Variants in KCND2 observed in about 807,000 individuals in gnomAD.
KCND2 encodes potassium voltage-gated channel subfamily D member 2.
A neutral mutation model predicts 54.4 loss-of-function variants in KCND2; 16 were observed. That is an observed-to-expected ratio of 0.29 (90% CI 0.20 to 0.45). KCND2 has a LOEUF of 0.45. Among genes scored for constraint, KCND2 ranks in the 20% least tolerant of loss-of-function variants. The probability of loss-of-function intolerance (pLI) is 1.00; values close to 1 mark genes in which losing one functional copy is unlikely to be tolerated. For synonymous variants in KCND2, 317 were observed against 310.7 expected (o/e 1.02, Z -0.21); for missense variants, 486 against 824.2 (o/e 0.59, Z 5.02).
intron 1 of KCND2, among the ~76,000 whole-genome samples, chr7:120,451,442 T>C (rs1296309727): frequency 1.3e-5 from 2 of 152,190 alleles, no homozygotes; most frequent in Non-Finnish European, 2.9e-5. Flanking sequence ...ATGTTTCTTA[T>C]AAACAATTAA....
rs1461568476 is a variant in KCND2 at position 120,295,375 on chromosome 7, CACACACACACACACACAG to C, written c.1115+19646_1115+19663del. Among the ~76,000 whole-genome samples, 123 of 141,904 alleles carry C rather than the reference CACACACACACACACACAG, an allele frequency of 8.7e-4. 1 individual carries two copies. In the South Asian group the frequency reaches 0.017, roughly 20 times the overall value. 93.1% of individuals were successfully genotyped at this position (141,904 alleles called of 152,430 possible). A position where few individuals can be genotyped will look rare whatever the true frequency, so the allele number is the denominator to read the frequency against. The stretch of plus-strand genomic sequence containing the variant: ...ACACACACACACACACACACACACA[CACACACACACACACACAG>C]ACACACACACACACACAAACACACC... On this transcript the variant is annotated intron_variant, in intron 1 of 5. Transcript: ENST00000331113.
chr7:120,472,428 G>C (rs1425283260), intron 1 of KCND2, among the ~76,000 whole-genome samples: 2 of 152,008 alleles, frequency 1.3e-5, no homozygotes, highest in Admixed American at 1.3e-4. Context: ...AAACTGCATG[G>C]GCTTCCGAAT....
chr7:120,307,174 A>G (rs1412787053), intron 1 of KCND2, among the ~76,000 whole-genome samples: 2 of 152,038 alleles, frequency 1.3e-5, no homozygotes, highest in African/African-American at 4.8e-5. Context: ...TTTTCTATCT[A>G]ATAGACACAA....
At chr7:120,590,681 G>T (rs1021705209) in intron 1 of KCND2, among the ~76,000 whole-genome samples, 1 of 152,152 alleles carries the variant, frequency 6.6e-6, no homozygotes, top group African/African-American at 2.4e-5. Context: ...CACATCTTTT[G>T]TGAGGCATTC....
chr7:120,430,682 T>C (rs1470262180), intron 1 of KCND2, among the ~76,000 whole-genome samples: 1 of 152,236 alleles, frequency 6.6e-6, no homozygotes, highest in Non-Finnish European at 1.5e-5. Context: ...GAAATTCAAC[T>C]TCCTTTCCCA....
At chr7:120,488,179 A>C (rs1802721898) in intron 1 of KCND2, among the ~76,000 whole-genome samples, 1 of 152,178 alleles carries the variant, frequency 6.6e-6, no homozygotes, top group African/African-American at 2.4e-5. Context: ...TGGGCAACAG[A>C]GTGAGACCCT....
intron 2 of KCND2, chr7:120,741,026 A>C (rs1792934347): frequency 3.5e-6 from 1 of 288,734 alleles, no homozygotes; most frequent in Non-Finnish European, 6.8e-6. Flanking sequence ...GAGGATGCAG[A>C]TATAGATGAA....
At chr7:120,641,615 C>G (rs1793376687) in intron 1 of KCND2, among the ~76,000 whole-genome samples, 1 of 152,148 alleles carries the variant, frequency 6.6e-6, no homozygotes, top group Non-Finnish European at 1.5e-5. Context: ...TTCAAAGTGT[C>G]ACTGCTTAAT....
At chr7:120,747,219 C>A (rs1327965770) in intron 5 of KCND2, among the ~76,000 whole-genome samples, 1 of 151,810 alleles carries the variant, frequency 6.6e-6, no homozygotes. Context: ...AATATGTGAT[C>A]ATCATTAAGT....
intron 1 of KCND2, among the ~76,000 whole-genome samples, chr7:120,522,378 G>T (rs1791709811): frequency 6.6e-6 from 1 of 152,148 alleles, no homozygotes; most frequent in South Asian, 2.1e-4. Context: ...GCGTGACCCT[G>T]AGTGAATGAT....
intron 1 of KCND2, among the ~76,000 whole-genome samples, chr7:120,649,458 A>C (rs868206734): frequency 6.6e-6 from 1 of 152,186 alleles, no homozygotes; most frequent in Non-Finnish European, 1.5e-5. Context: ...ATTTTCTCCC[A>C]TTCTGTAGGT....
intron 1 of KCND2, among the ~76,000 whole-genome samples, chr7:120,366,697 G>C (rs905639165): frequency 6.6e-6 from 1 of 152,080 alleles, no homozygotes; most frequent in Non-Finnish European, 1.5e-5. Context: ...GAAAACAACT[G>C]TCCTAAAAAG....
In KCND2 at chr7:120,748,337, A is replaced by G. The variant is rs1793031876; in HGVS notation, c.*479A>G. On this transcript the variant is annotated 3_prime_UTR_variant, in exon 6 of 6. Transcript: ENST00000331113. ...TGACTGAAGGAAACCATCATAATGC[A>G]TGCTAGAATTCTTTGAAGCAGTGAT... is the stretch of plus-strand genomic sequence containing the variant. 1.3e-5 allele frequency: 2 copies of G among 155,800 alleles called. No individual in the cohort carries two copies. Among genetic ancestry groups the G allele is most frequent in the Admixed American group, 6.4e-5 (1 of 15,654 alleles). 9.7% of individuals were successfully genotyped at this position (155,800 alleles called of 1,614,324 possible).
intron 1 of KCND2, among the ~76,000 whole-genome samples, chr7:120,449,464 A>T (rs1403865741): frequency 6.6e-6 from 1 of 152,204 alleles, no homozygotes; most frequent in East Asian, 1.9e-4. Flanking sequence ...GAGATTTTAG[A>T]TCTATGTAAG....
At chr7:120,355,528 A>G (rs1358917304) in intron 1 of KCND2, among the ~76,000 whole-genome samples, 1 of 152,008 alleles carries the variant, frequency 6.6e-6, no homozygotes, top group African/African-American at 2.4e-5. Context: ...AGCCTGAGTG[A>G]CAGAGTGAGA....
At chr7:120,413,804 C>T (rs182713520) in intron 1 of KCND2, among the ~76,000 whole-genome samples, 11 of 151,094 alleles carry the variant, frequency 7.3e-5, no homozygotes, top group Non-Finnish European at 7.4e-5. Context: ...GGCTGATTAA[C>T]ATTGGCTTAC....
At chr7:120,620,947 C>G (rs1052335525) in intron 1 of KCND2, among the ~76,000 whole-genome samples, 3 of 152,006 alleles carry the variant, frequency 2.0e-5, no homozygotes, top group Non-Finnish European at 2.9e-5. Context: ...AACTAAACAA[C>G]CAGAATATAG....
chr7:120,483,517 G>A (rs78738439), intron 1 of KCND2, among the ~76,000 whole-genome samples: 6,095 of 152,234 alleles, frequency 0.04, 152 homozygotes, highest in Middle Eastern at 0.062. Context: ...AAAAAACAAG[G>A]CTGGTGAAGG....
At chr7:120,455,992 TG>T (rs1321165002) in intron 1 of KCND2, among the ~76,000 whole-genome samples, 1 of 152,124 alleles carries the variant, frequency 6.6e-6, no homozygotes, top group Admixed American at 6.5e-5. Flanking sequence ...GCACTTAGCA[TG>T]GGGTCTGTAC....
Sources: gnomAD v4.1 joint callset for allele counts (sites outside exome capture counted in the v4.1 genomes callset) on GRCh38, gnomAD v4.1.1 for gene constraint, MANE v1.5 for transcripts, NCBI Gene and HGNC (gene_info 2026-07-23, HGNC 2026-07-21) for gene names.